The following CASR variants were observed in gnomAD, a reference collection of about 807,000 sequenced individuals.
CASR encodes the protein extracellular calcium-sensing receptor.
In CASR, 23 loss-of-function variants were observed where a neutral mutation model predicts 69.1. That is an observed-to-expected ratio of 0.33 (90% CI 0.24 to 0.47). The LOEUF (loss-of-function observed/expected upper bound fraction) is 0.47, where lower values mean the gene tolerates loss of function less well. Ranked by LOEUF, CASR falls within the 20% of genes least tolerant of loss-of-function variation. CASR has a pLI of 1.00. For missense variants in CASR, 924 were observed against 1,356.1 expected (o/e 0.68, Z 5.00); for synonymous variants, 541 against 544.7 (o/e 0.99, Z 0.10).
chr3:122,232,234 T>A (rs1390403643), intron 1 of CASR, among the ~76,000 whole-genome samples: 1 of 152,160 alleles, frequency 6.6e-6, no homozygotes, highest in South Asian at 2.1e-4. Context: ...AAGTGTCTGC[T>A]GTGTCCTGAG....
chr3:122,216,851 C>T (rs1302914479), intron 1 of CASR, among the ~76,000 whole-genome samples: 3 of 152,184 alleles, frequency 2.0e-5, no homozygotes, highest in Non-Finnish European at 2.9e-5. Context: ...TACTGTTAAT[C>T]ATGCATAATT....
intron 1 of CASR, among the ~76,000 whole-genome samples, chr3:122,193,840 T>A (rs547315899): frequency 1.1e-4 from 16 of 152,200 alleles, no homozygotes; most frequent in African/African-American, 3.9e-4. Context: ...GTTACTACAG[T>A]TACTTTACTT....
intron 1 of CASR, among the ~76,000 whole-genome samples, chr3:122,237,787 G>C (rs558073087): frequency 2.6e-5 from 4 of 152,316 alleles, no homozygotes; most frequent in East Asian, 1.9e-4. Context: ...GCAGTACCAA[G>C]GGTGGACAAG....
At chr3:122,229,904 C>T (rs112254196) in intron 1 of CASR, among the ~76,000 whole-genome samples, 151 of 152,228 alleles carry the variant, frequency 9.9e-4, no homozygotes, top group African/African-American at 3.3e-3. Context: ...CATTCCTAAC[C>T]AAGTAAACTA....
chr3:122,264,827 A>G (rs9869969), intron 4 of CASR, among the ~76,000 whole-genome samples: 2,438 of 152,338 alleles, frequency 0.016, 26 homozygotes, highest in Non-Finnish European at 0.023. Flanking sequence ...ATTAAGACCT[A>G]TATCTTCATC....
rs564496762 is a variant in CASR, at chr3:122,183,740, G to A, written c.-315G>A. On this transcript the variant is annotated 5_prime_UTR_variant, in exon 1 of 7. Coordinates refer to ENST00000639785, the MANE Select transcript of CASR (RefSeq NM_000388.4). ...GCACGCCCTTTCGCGCAGGAGAGTGGAAGGAGGGAGCTGTTTGCCAGCACC... is the reference window on the plus strand; with the variant it reads ...GCACGCCCTTTCGCGCAGGAGAGTGAAAGGAGGGAGCTGTTTGCCAGCACC... 4 of 152,410 alleles carry A rather than the reference G, an allele frequency of 2.6e-5. No individual in the cohort carries two copies. Among genetic ancestry groups the A allele is most frequent in the African/African-American group, 9.6e-5 (4 of 41,564 alleles). The allele number at this position is 152,410 out of a possible 1,614,324, so 9.4% of individuals were successfully genotyped here. A position where few individuals can be genotyped will look rare whatever the true frequency, so the allele number is the denominator to read the frequency against.
At chr3:122,224,447 C>T (rs748101696) in intron 1 of CASR, among the ~76,000 whole-genome samples, 10 of 151,866 alleles carry the variant, frequency 6.6e-5, no homozygotes, top group Non-Finnish European at 1.3e-4. Flanking sequence ...GTACAATAGC[C>T]GCAAAAAGAA....
In CASR at chr3:122,284,693, C is replaced by T. The variant is rs2074944827; in HGVS notation, c.2739C>T (p.Ser913=). 2 of 1,613,634 alleles carry T rather than the reference C, an allele frequency of 1.2e-6. No individual in the cohort carries two copies. Among genetic ancestry groups the T allele is most frequent in the Non-Finnish European group, 1.7e-6 (2 of 1,179,552 alleles). The part of the protein sequence containing the change: ...GGSTGSTPSS[S]ISSKSNSEDP... ...CCACGGGATCCACCCCCTCCTCCTCCATCAGCAGCAAGAGCAACAGCGAAG... is the reference window on the plus strand; with the variant it reads ...CCACGGGATCCACCCCCTCCTCCTCTATCAGCAGCAAGAGCAACAGCGAAG... The change falls in exon 7 of 7, where the codon TCC becomes TCT. Residue 913 remains serine (S), a synonymous_variant. Coordinates refer to ENST00000639785, the MANE Select transcript of CASR (RefSeq NM_000388.4).
Position 122,262,359 on chromosome 3 carries a change from G to C in CASR, c.1324G>C (p.Gly442Arg). ...QDIYTCLPGR[G>R]LFTNGSCADI... ...TATATATACCTGCTTACCTGGGAGA[G>C]GGCTCTTCACCAATGGCTCCTGTGC... Residue 442 changes from glycine (G) to arginine (R), a missense_variant, in exon 4 of 7, where the codon GGG (glycine) becomes CGG (arginine). Coordinates refer to ENST00000639785, the MANE Select transcript of CASR (RefSeq NM_000388.4). 1 of 1,614,000 alleles carries C rather than the reference G, an allele frequency of 6.2e-7. No individual in the cohort carries two copies. The highest frequency in any genetic ancestry group is 8.5e-7 in the Non-Finnish European group (1 of 1,180,018).
intron 1 of CASR, among the ~76,000 whole-genome samples, chr3:122,252,280 C>T (rs1323229731): frequency 6.9e-6 from 1 of 144,328 alleles, no homozygotes; most frequent in East Asian, 2.0e-4. Context: ...GGCTGGGCGA[C>T]AGAGCCAGAT....
chr3:122,283,434 C>T (rs1354368900), intron 6 of CASR, among the ~76,000 whole-genome samples: 1 of 152,198 alleles, frequency 6.6e-6, no homozygotes, highest in Non-Finnish European at 1.5e-5. Flanking sequence ...ACAAGGGCCT[C>T]ACCCATGTCA....
At chr3:122,184,657 G>A (rs1461365288) in intron 1 of CASR, 1 of 152,550 alleles carries the variant, frequency 6.6e-6, no homozygotes, top group African/African-American at 2.4e-5. Flanking sequence ...TCCAGCCTGG[G>A]AGCATTGGGC....
chr3:122,265,774 C>T (rs1466022450), intron 4 of CASR, among the ~76,000 whole-genome samples: 1 of 152,158 alleles, frequency 6.6e-6, no homozygotes, highest in Non-Finnish European at 1.5e-5. Flanking sequence ...TGATCATGCA[C>T]AAGGTGTGCT....
At chr3:122,211,246 A>G (rs892103856) in intron 1 of CASR, among the ~76,000 whole-genome samples, 1 of 152,230 alleles carries the variant, frequency 6.6e-6, no homozygotes, top group Non-Finnish European at 1.5e-5. Flanking sequence ...ATGGGATCTA[A>G]TTAAACTAAA....
At chr3:122,195,492 G>A (rs965010835) in intron 1 of CASR, among the ~76,000 whole-genome samples, 1 of 152,086 alleles carries the variant, frequency 6.6e-6, no homozygotes. Context: ...CTTCTCTTTG[G>A]TGCCTCATTC....
At position 122,284,279 on chromosome 3, in the gene CASR, C is replaced by T. The variant is rs767586088; in HGVS notation, c.2325C>T (p.Phe775=). 3.1e-6 allele frequency: 5 copies of T among 1,614,182 alleles called. No individual in the cohort carries two copies. Among genetic ancestry groups the T allele is most frequent in the South Asian group, 1.1e-5 (1 of 91,082 alleles). The stretch of plus-strand genomic sequence containing the variant: ...AGGGCTCCCTCATGGCCCTGGGCTT[C>T]CTGATCGGCTACACCTGCCTGCTGG... ...CHEGSLMALG[F]LIGYTCLLAA... is the part of the protein sequence containing the mutation. The change falls in exon 7 of 7, where the codon TTC becomes TTT. Residue 775 remains phenylalanine (F), a synonymous_variant. Transcript: ENST00000639785.
chr3:122,190,257 C>T (rs948115447), intron 1 of CASR, among the ~76,000 whole-genome samples: 7 of 152,116 alleles, frequency 4.6e-5, no homozygotes, highest in Admixed American at 1.3e-4. Flanking sequence ...AAGTGCTTGT[C>T]GATTAAGAGA....
At chr3:122,250,077 T>G (rs986865174) in intron 1 of CASR, among the ~76,000 whole-genome samples, 2 of 151,652 alleles carry the variant, frequency 1.3e-5, no homozygotes, top group Non-Finnish European at 2.9e-5. Context: ...ACAAAGAAAA[T>G]AAAGCTTTTA....
intron 1 of CASR, among the ~76,000 whole-genome samples, chr3:122,199,663 T>C (rs1178722720): frequency 6.6e-6 from 1 of 152,100 alleles, no homozygotes; most frequent in Non-Finnish European, 1.5e-5. Context: ...AACACATATA[T>C]TACCAAAAAG....
Sources: allele counts gnomAD v4.1 joint callset (sites outside exome capture counted in the v4.1 genomes callset), GRCh38; gene constraint gnomAD v4.1.1; transcripts MANE v1.5; gene names NCBI Gene and HGNC (gene_info 2026-07-23, HGNC 2026-07-21).